The following EPSTI1 variants were observed in gnomAD, a reference collection of about 807,000 sequenced individuals.
The protein encoded by EPSTI1 is epithelial-stromal interaction protein 1.
In EPSTI1, 66 loss-of-function variants were observed where a neutral mutation model predicts 49.9. The ratio of observed to expected loss-of-function variants is 1.32; its 90% CI spans 1.08 to 1.62. The LOEUF is 1.62. Ranked by LOEUF, EPSTI1 falls within the 40% of genes most tolerant of loss-of-function variation. EPSTI1 has a pLI of 0.00. For synonymous variants in EPSTI1, 137 were observed against 130.7 expected (o/e 1.05, Z -0.33); for missense variants, 394 against 365.5 (o/e 1.08, Z -0.64).
At chr13:42,942,177 G>A (rs779654803) in intron 6 of EPSTI1, among the ~76,000 whole-genome samples, 1 of 151,910 alleles carries the variant, frequency 6.6e-6, no homozygotes, top group Admixed American at 6.5e-5. Context: ...TAACATTTAC[G>A]TGTATAACTT....
At chr13:42,911,269 GCGCA>G (rs373781729) in intron 8 of EPSTI1, among the ~76,000 whole-genome samples, 5 of 138,084 alleles carry the variant, frequency 3.6e-5, no homozygotes, top group Admixed American at 2.2e-4. Context: ...GTGTGTGCGC[GCGCA>G]CGCGCGCACA....
At chr13:42,935,343 C>T (rs1020502904) in intron 6 of EPSTI1, among the ~76,000 whole-genome samples, 5 of 152,232 alleles carry the variant, frequency 3.3e-5, no homozygotes, top group African/African-American at 1.2e-4. Context: ...CTTTCTTCCT[C>T]TTCTCCCTGC....
At chr13:42,986,615 C>T (rs971192515) in intron 1 of EPSTI1, among the ~76,000 whole-genome samples, 6 of 151,966 alleles carry the variant, frequency 3.9e-5, no homozygotes, top group Non-Finnish European at 8.8e-5. Context: ...CATGGTGGCA[C>T]ATGCCTGTAA....
chr13:42,888,959 A>T (rs1286406617), intron 10 of EPSTI1, among the ~76,000 whole-genome samples: 1 of 152,194 alleles, frequency 6.6e-6, no homozygotes, highest in Non-Finnish European at 1.5e-5. Context: ...CTCCACTCCT[A>T]CCATGTGCAA....
At chr13:42,987,258 C>A (rs1362895423) in intron 1 of EPSTI1, among the ~76,000 whole-genome samples, 1 of 151,984 alleles carries the variant, frequency 6.6e-6, no homozygotes. Flanking sequence ...GGGGTCCACA[C>A]TAACTCTGAG....
intron 5 of EPSTI1, 131 bp downstream of exon 5, chr13:42,963,124 G>T: frequency 1.3e-6 from 1 of 752,502 alleles, no homozygotes. Context: ...ATGAGGAAAA[G>T]AAGAGTGGGG....
intron 5 of EPSTI1, 40 bp downstream of exon 5, chr13:42,963,215 T>A (rs1333490222): frequency 3.3e-6 from 5 of 1,507,750 alleles, no homozygotes. Flanking sequence ...AAACTATAAT[T>A]GTTGATCAGC....
chr13:42,895,875 G>A (rs1406992261), intron 9 of EPSTI1, among the ~76,000 whole-genome samples: 1 of 152,110 alleles, frequency 6.6e-6, no homozygotes, highest in Admixed American at 6.6e-5. Flanking sequence ...ATAAGCTTCT[G>A]GGAAGCAGAA....
chr13:42,939,093 C>A (rs1384661304), intron 6 of EPSTI1, among the ~76,000 whole-genome samples: 1 of 152,052 alleles, frequency 6.6e-6, no homozygotes, highest in Non-Finnish European at 1.5e-5. Flanking sequence ...TAGTTTCTAA[C>A]TTTTCTTCTA....
intron 10 of EPSTI1, among the ~76,000 whole-genome samples, chr13:42,893,744 A>C (rs1397585493): frequency 6.6e-6 from 1 of 152,152 alleles, no homozygotes; most frequent in African/African-American, 2.4e-5. Context: ...GGTTCCATAG[A>C]GAAGAAATGA....
chr13:42,911,296 T>C (rs61950256), intron 8 of EPSTI1, among the ~76,000 whole-genome samples: 2,396 of 118,072 alleles, frequency 0.02, 32 homozygotes, highest in Non-Finnish European at 0.032. Flanking sequence ...TGTGTGAGTG[T>C]GCACATGCTT....
In EPSTI1 at chr13:42,975,217, A is replaced by C. The variant is rs529992475; in HGVS notation, c.189-4547T>G. On this transcript the variant is annotated intron_variant, in intron 1 of 10. Coordinates refer to ENST00000313624, the MANE Select transcript of EPSTI1 (RefSeq NM_033255.5). The stretch of plus-strand genomic sequence containing the variant: ...AAACTTTTGAGGCATTTAGGTTTCC[A>C]AAAGTTTGTTCATACATAGATCAAA... 3.3e-5 allele frequency among the ~76,000 whole-genome samples: 5 copies of C among 152,368 alleles called. No individual in the cohort carries two copies. In the South Asian group the frequency reaches 1.0e-3, roughly 32 times the overall value.
intron 10 of EPSTI1, among the ~76,000 whole-genome samples, chr13:42,891,817 A>G (rs1242505848): frequency 6.6e-6 from 1 of 152,228 alleles, no homozygotes; most frequent in Non-Finnish European, 1.5e-5. Context: ...ACCCTTGTAG[A>G]ATGTGGAACA....
intron 8 of EPSTI1, among the ~76,000 whole-genome samples, chr13:42,904,832 G>T (rs2037453750): frequency 6.6e-6 from 1 of 152,038 alleles, no homozygotes; most frequent in East Asian, 1.9e-4. Context: ...CATTCATTTT[G>T]ACTTTTATAT....
At chr13:42,970,391 A>G in intron 2 of EPSTI1, 1 of 425,690 alleles carries the variant, frequency 2.3e-6, no homozygotes, top group Non-Finnish European at 4.1e-6. Context: ...TCCAGGATCT[A>G]CCATCATGTC....
At chr13:42,989,567 C>CTTTCTTTTTTTTT (rs2040150612) in intron 1 of EPSTI1, among the ~76,000 whole-genome samples, 1 of 79,022 alleles carries the variant, frequency 1.3e-5, no homozygotes, top group Non-Finnish European at 2.5e-5. Context: ...CCTCTTTTTT[C>CTTTCTTTTTTTTT]TTTTTTTTTT....
rs893056482 is a variant in EPSTI1 at position 42,906,422 on chromosome 13, C to T, written c.742-6039G>A. Among the ~76,000 whole-genome samples, 5 of 152,158 alleles carry T rather than the reference C, an allele frequency of 3.3e-5. No individual in the cohort carries two copies. In the South Asian group the frequency reaches 8.3e-4, roughly 25 times the overall value. ...GTCTGAATCCCAACAGAGCATGTTCCGACATGGTTCAGCTTGACTGCTTTA... is the reference window on the plus strand; with the variant it reads ...GTCTGAATCCCAACAGAGCATGTTCTGACATGGTTCAGCTTGACTGCTTTA... On this transcript the variant is annotated intron_variant, in intron 8 of 10. Coordinates refer to ENST00000313624, the MANE Select transcript of EPSTI1 (RefSeq NM_033255.5).
intron 7 of EPSTI1, among the ~76,000 whole-genome samples, chr13:42,920,103 C>A (rs2037950367): frequency 1.3e-5 from 2 of 152,112 alleles, no homozygotes; most frequent in African/African-American, 4.8e-5. Context: ...TGAATTTGAA[C>A]CCACTCTAGG....
intron 7 of EPSTI1, among the ~76,000 whole-genome samples, chr13:42,921,779 G>T (rs1031527322): frequency 9.2e-5 from 14 of 151,988 alleles, no homozygotes; most frequent in Non-Finnish European, 1.8e-4. Flanking sequence ...TGTGTTAAAG[G>T]AAAGTCCCAG....
Sources: gnomAD v4.1 joint callset for allele counts (sites outside exome capture counted in the v4.1 genomes callset) on GRCh38, gnomAD v4.1.1 for gene constraint, MANE v1.5 for transcripts, NCBI Gene and HGNC (gene_info 2026-07-23, HGNC 2026-07-21) for gene names.